Variants in DNASE1 observed in about 807,000 individuals in gnomAD.
The protein encoded by DNASE1 is deoxyribonuclease-1.
In DNASE1, 40 loss-of-function variants were observed where a neutral mutation model predicts 33.9. The ratio of observed to expected loss-of-function variants is 1.18; its 90% CI spans 0.92 to 1.54. The LOEUF (loss-of-function observed/expected upper bound fraction) is 1.54. Among genes scored for constraint, DNASE1 ranks in the 40% most tolerant of loss-of-function variants. The pLI, the probability that DNASE1 is intolerant of heterozygous loss-of-function variation, is 0.00. For synonymous variants in DNASE1, 216 were observed against 160.0 expected, an observed-to-expected ratio of 1.35 and a Z score of -2.64; for missense variants, 518 against 372.6, an observed-to-expected ratio of 1.39 and a Z score of -3.21.
intron 1 of DNASE1, among the ~76,000 whole-genome samples, chr16:3,626,850 G>A (rs907146082): frequency 1.3e-5 from 2 of 152,018 alleles, no homozygotes; most frequent in African/African-American, 4.8e-5. Flanking sequence ...TTATCATTAT[G>A]TAATAGCCCT....
At chr16:3,629,846 C>G (rs2041639180) in intron 1 of DNASE1, among the ~76,000 whole-genome samples, 1 of 152,120 alleles carries the variant, frequency 6.6e-6, no homozygotes, top group Non-Finnish European at 1.5e-5. Flanking sequence ...CAGAGTCTTG[C>G]TCTGTTATCC....
upstream of DNASE1, among the ~76,000 whole-genome samples, chr16:3,642,220 C>G (rs1176619015): frequency 6.6e-6 from 1 of 152,242 alleles, no homozygotes; most frequent in African/African-American, 2.4e-5. Context: ...TCTGAGTTCT[C>G]TGCTATCTGG....
upstream of DNASE1, among the ~76,000 whole-genome samples, chr16:3,641,680 C>T (rs572255640): frequency 2.8e-4 from 43 of 152,356 alleles, no homozygotes; most frequent in African/African-American, 9.1e-4. Context: ...AATTTGGTTA[C>T]AGAGAAGGTG....
At chr16:3,662,136 T>G (rs1377474867), downstream of DNASE1, 1 of 1,610,436 alleles carries the variant, frequency 6.2e-7, no homozygotes, top group South Asian at 1.1e-5. Context: ...GGGTCACCTG[T>G]GAGCAAAGCC....
intron 5 of DNASE1, 116 bp from the exon 6 acceptor site, chr16:3,656,883 T>C: frequency 6.5e-7 from 1 of 1,545,004 alleles, no homozygotes; most frequent in Non-Finnish European, 8.7e-7. Context: ...TCCATTCAAG[T>C]CATTTGGAAA....
At chr16:3,640,596 A>G (rs919863071), upstream of DNASE1, 7 of 397,440 alleles carry the variant, frequency 1.8e-5, no homozygotes, top group Middle Eastern at 1.2e-3. Flanking sequence ...TGCATCCTAC[A>G]TGAGTATATA....
intron 2 of DNASE1, 137 bp downstream of exon 2, chr16:3,655,657 G>C (rs982751050): frequency 2.7e-5 from 39 of 1,462,244 alleles, no homozygotes; most frequent in Admixed American, 9.1e-5. Context: ...GGTGGAACAG[G>C]CTCTTGGCTG....
intron 1 of DNASE1, among the ~76,000 whole-genome samples, chr16:3,630,474 T>C: frequency 6.6e-6 from 1 of 152,216 alleles, no homozygotes; most frequent in Non-Finnish European, 1.5e-5. Flanking sequence ...AGCCACTGTT[T>C]CTGGCTATTT....
At chr16:3,664,146 C>T (rs2050765980) in exon 10 of DNASE1, 8 of 1,016,802 alleles carry the variant, frequency 7.9e-6, no homozygotes, top group Admixed American at 6.8e-5. Flanking sequence ...CCTCTGTGCC[C>T]GTGACCCTGA....
At chr16:3,665,015 G>A (rs1377679360) in exon 10 of DNASE1, 1 of 154,084 alleles carries the variant, frequency 6.5e-6, no homozygotes, top group African/African-American at 2.4e-5. Context: ...GGGGAAAACA[G>A]AAAGAGGGAA....
Position 3,654,840 on chromosome 16 carries a change from C to G in DNASE1, c.-206C>G. 1 of 405,214 alleles carries G rather than the reference C, an allele frequency of 2.5e-6. No homozygotes were observed. Among genetic ancestry groups the G allele is most frequent in the East Asian group, 3.5e-5 (1 of 28,228 alleles). 25.1% of individuals were successfully genotyped at this position (405,214 alleles called of 1,614,324 possible). A position where few individuals can be genotyped will look rare whatever the true frequency, so the allele number is the denominator to read the frequency against. ...CCAGGGAAGGTCACAGCTGCCTGAA[C>G]TTTTAAAACTCCCAGACACGCACTG... On this transcript the variant is annotated 5_prime_UTR_variant, in exon 1 of 9. Transcript: ENST00000246949.
intron 1 of DNASE1, among the ~76,000 whole-genome samples, chr16:3,631,571 C>A (rs2041701563): frequency 6.6e-6 from 1 of 151,926 alleles, no homozygotes; most frequent in Non-Finnish European, 1.5e-5. Flanking sequence ...GTTGCCCAGG[C>A]TGGAGTGCAG....
chr16:3,655,544 C>G (rs759518571), intron 2 of DNASE1, 24 bp downstream of exon 2: 18 of 1,613,844 alleles, frequency 1.1e-5, no homozygotes, highest in South Asian at 5.5e-5. Flanking sequence ...AGCCTCCCCC[C>G]AAAAGCAGAG....
intron 1 of DNASE1, among the ~76,000 whole-genome samples, chr16:3,614,737 C>G (rs576879581): frequency 6.6e-6 from 1 of 152,236 alleles, no homozygotes; most frequent in Admixed American, 6.5e-5. Flanking sequence ...GAGGCAGTCT[C>G]CCTGCCAGCA....
intron 7 of DNASE1, 46 bp from the exon 8 acceptor site, chr16:3,657,674 C>T: frequency 6.2e-7 from 1 of 1,610,820 alleles, no homozygotes; most frequent in Non-Finnish European, 8.5e-7. Context: ...TGAGCCAGGC[C>T]CATGTGTGAA....
downstream of DNASE1, chr16:3,658,107 A>C: frequency 3.1e-6 from 5 of 1,612,970 alleles, no homozygotes; most frequent in Non-Finnish European, 4.2e-6. Flanking sequence ...CTGTGGTGTC[A>C]GTCCTTCTGG....
At chr16:3,627,240 C>A (rs1338360563) in intron 1 of DNASE1, among the ~76,000 whole-genome samples, 1 of 151,396 alleles carries the variant, frequency 6.6e-6, no homozygotes, top group Admixed American at 6.6e-5. Context: ...ATAGCCAGTC[C>A]AGCTGTCTTT....
intron 1 of DNASE1, among the ~76,000 whole-genome samples, chr16:3,627,923 A>G (rs987779893): frequency 2.5e-5 from 2 of 79,866 alleles, no homozygotes; most frequent in African/African-American, 1.0e-4. Flanking sequence ...TTCAGCATGT[A>G]TTTTCTATTT....
At chr16:3,644,693 C>T (rs929735109) in intron 1 of DNASE1, among the ~76,000 whole-genome samples, 2 of 151,568 alleles carry the variant, frequency 1.3e-5, no homozygotes, top group African/African-American at 4.9e-5. Context: ...TATGAATGTG[C>T]CACTGCACTC....
Sources: allele counts gnomAD v4.1 joint callset (sites outside exome capture counted in the v4.1 genomes callset), GRCh38; gene constraint gnomAD v4.1.1; transcripts MANE v1.5; gene names NCBI Gene and HGNC (gene_info 2026-07-23, HGNC 2026-07-21).